SENP1: variants seen among roughly 807,000 people sequenced by gnomAD.
The protein encoded by SENP1 is sentrin-specific protease 1.
Under a neutral mutation model 93.0 loss-of-function variants are expected in SENP1, and 21 were observed. That is an observed-to-expected ratio of 0.23 (90% CI 0.16 to 0.33). SENP1 has a LOEUF of 0.33. Ranked by LOEUF, SENP1 falls within the 10% of genes least tolerant of loss-of-function variation. SENP1 has a pLI of 1.00. For synonymous variants in SENP1, 256 were observed against 259.6 expected, an observed-to-expected ratio of 0.99 and a Z score of 0.13; for missense variants, 591 against 758.7, an observed-to-expected ratio of 0.78 and a Z score of 2.60.
chr12:48,060,925 G>A (rs563018550), intron 13 of SENP1, among the ~76,000 whole-genome samples: 40 of 152,096 alleles, frequency 2.6e-4, no homozygotes, highest in African/African-American at 9.4e-4. Flanking sequence ...TTTTTGAGAC[G>A]TTTTATTATA....
chr12:48,069,662 G>A (rs1420967048), intron 9 of SENP1, among the ~76,000 whole-genome samples: 1 of 152,160 alleles, frequency 6.6e-6, no homozygotes, highest in Non-Finnish European at 1.5e-5. Flanking sequence ...ACAATTAAGT[G>A]TAAGGTATCA....
At chr12:48,054,449 T>C (rs1459491506) in intron 13 of SENP1, among the ~76,000 whole-genome samples, 2 of 152,198 alleles carry the variant, frequency 1.3e-5, no homozygotes, top group Non-Finnish European at 2.9e-5. Flanking sequence ...TTGCAGGGTA[T>C]ATTTTTTCTG....
At chr12:48,078,690 G>C (rs1184399561) in intron 6 of SENP1, among the ~76,000 whole-genome samples, 1 of 151,964 alleles carries the variant, frequency 6.6e-6, no homozygotes, top group Non-Finnish European at 1.5e-5. Flanking sequence ...CCAGCTAACT[G>C]ACAATCTTAT....
At chr12:48,049,237 C>A in intron 13 of SENP1, 105 bp from the exon 14 acceptor site, 1 of 820,264 alleles carries the variant, frequency 1.2e-6, no homozygotes. Context: ...TCCTAATAAA[C>A]TGAATTAAGT....
chr12:48,093,021 G>T (rs964626125), intron 4 of SENP1, among the ~76,000 whole-genome samples: 16 of 152,178 alleles, frequency 1.1e-4, no homozygotes, highest in African/African-American at 3.9e-4. Context: ...AGCAAATGAA[G>T]GCACACACCC....
At chr12:48,063,279 A>G (rs535824487) in intron 13 of SENP1, among the ~76,000 whole-genome samples, 18 of 152,314 alleles carry the variant, frequency 1.2e-4, no homozygotes, top group Admixed American at 5.9e-4. Flanking sequence ...TTCGTAATAT[A>G]AGTGATCTAA....
intron 4 of SENP1, among the ~76,000 whole-genome samples, chr12:48,091,634 A>G (rs1223051026): frequency 6.6e-6 from 1 of 152,166 alleles, no homozygotes; most frequent in Non-Finnish European, 1.5e-5. Flanking sequence ...GATTCTAAGC[A>G]CAAGCAAAAT....
chr12:48,093,760 A>G (rs981726499), intron 4 of SENP1, among the ~76,000 whole-genome samples: 2 of 151,788 alleles, frequency 1.3e-5, no homozygotes, highest in African/African-American at 4.8e-5. Flanking sequence ...ATGAAAAACT[A>G]TAACTATTAG....
intron 1 of SENP1, among the ~76,000 whole-genome samples, chr12:48,103,660 A>G (rs1946113503): frequency 1.3e-5 from 1 of 76,686 alleles, no homozygotes; most frequent in Non-Finnish European, 3.2e-5. Flanking sequence ...AACTGTAAAA[A>G]TGTTTTCTTT....
chr12:48,056,048 A>G (rs1262334553), intron 13 of SENP1, among the ~76,000 whole-genome samples: 2 of 126,616 alleles, frequency 1.6e-5, no homozygotes, highest in Non-Finnish European at 3.1e-5. Context: ...GTATAAATAT[A>G]TACTGTATAC....
intron 1 of SENP1, chr12:48,105,366 G>A (rs756264803): frequency 3.9e-6 from 2 of 519,000 alleles, no homozygotes; most frequent in Non-Finnish European, 7.7e-6. Context: ...GATCACGTTA[G>A]GGTACACCAA....
At chr12:48,088,356 G>A (rs1420888574) in intron 5 of SENP1, among the ~76,000 whole-genome samples, 1 of 152,190 alleles carries the variant, frequency 6.6e-6, no homozygotes, top group Non-Finnish European at 1.5e-5. Flanking sequence ...TGCCCGGTCT[G>A]TGACTCTTTA....
chr12:48,086,126 G>A (rs1944844464), intron 5 of SENP1, among the ~76,000 whole-genome samples: 1 of 152,084 alleles, frequency 6.6e-6, no homozygotes, highest in African/African-American at 2.4e-5. Flanking sequence ...AATCCATAAT[G>A]ACACTAAAAA....
chr12:48,102,619 G>A (rs756739508), intron 1 of SENP1, among the ~76,000 whole-genome samples: 4 of 151,552 alleles, frequency 2.6e-5, no homozygotes, highest in Non-Finnish European at 4.4e-5. Context: ...AAAATATTAA[G>A]CACTTCATCA....
chr12:48,105,333 GAGA>G lies in SENP1; in HGVS notation c.-45+692_-45+694del. On this transcript the variant is annotated intron_variant, in intron 1 of 17. Transcript: ENST00000549518. ...ACAGAAATCACCAAGCTCAAGGAAA[GAGA>G]AACGAGGCATAGATCCAGAGATCAC... 5 of 515,574 alleles carry G rather than the reference GAGA, an allele frequency of 9.7e-6. No homozygotes were observed. The Admixed American group carries it at 9.8e-5, about 10-fold the overall frequency. The allele number at this position is 515,574 out of a possible 1,614,324, so 31.9% of individuals were successfully genotyped here.
intron 9 of SENP1, among the ~76,000 whole-genome samples, chr12:48,067,589 GA>G (rs1257913566): frequency 2.6e-5 from 4 of 152,136 alleles, no homozygotes; most frequent in Non-Finnish European, 4.4e-5. Flanking sequence ...ATCTATCACA[GA>G]AACACAAAGA....
rs1941244323 is a variant in SENP1, at chr12:48,044,763, G to C, written c.*559C>G. The C allele has an allele frequency of 1.3e-5, 2 of 154,516 alleles. No homozygotes were observed. The highest frequency in any genetic ancestry group is 2.9e-5 in the Non-Finnish European group (2 of 69,184). The allele number at this position is 154,516 out of a possible 1,614,324, so 9.6% of individuals were successfully genotyped here. On this transcript the variant is annotated 3_prime_UTR_variant, in exon 18 of 18. Coordinates refer to ENST00000549518, the MANE Select transcript of SENP1 (RefSeq NM_001267594.2). ...TGTATAGGGACATATAAATAGGAAA[G>C]GTCCTGGAGGAAGGGACTTATGCCT...
At chr12:48,065,473 T>A in intron 11 of SENP1, 123 bp downstream of exon 11, 1 of 676,962 alleles carries the variant, frequency 1.5e-6, no homozygotes, top group Non-Finnish European at 2.5e-6. Flanking sequence ...TATCATAACA[T>A]GCTATGCTAC....
Position 48,101,453 on chromosome 12 carries a change from A to C in SENP1, c.4+16T>G. The C allele has an allele frequency of 6.3e-7, 1 of 1,594,590 alleles. No homozygotes were observed. The highest frequency in any genetic ancestry group is 8.5e-7 in the Non-Finnish European group (1 of 1,170,252). ...ATGAAAGTAGCTAAAAGGATTCAAC[A>C]GCTAGTTAGTCTTACCCATTTCAAG... On this transcript the variant is annotated intron_variant, in intron 2 of 17. Transcript: ENST00000549518.
Sources: allele counts gnomAD v4.1 joint callset (sites outside exome capture counted in the v4.1 genomes callset), GRCh38; gene constraint gnomAD v4.1.1; transcripts MANE v1.5; gene names NCBI Gene and HGNC (gene_info 2026-07-23, HGNC 2026-07-21).